The following EFCAB11 variants were observed in gnomAD, a reference collection of about 807,000 sequenced individuals.
The protein encoded by EFCAB11 is EF-hand calcium-binding domain-containing protein 11.
Under a neutral mutation model 23.0 loss-of-function variants are expected in EFCAB11, and 14 were observed. The observed-to-expected ratio is 0.61, with a 90% CI of 0.40 to 0.95. EFCAB11 has a LOEUF of 0.95. Among genes scored for constraint, EFCAB11 ranks in the 40% least tolerant of loss-of-function variants. The pLI, the probability that EFCAB11 is intolerant of heterozygous loss-of-function variation, is 0.00. For synonymous variants in EFCAB11, 65 were observed against 66.6 expected (o/e 0.98, Z 0.11); for missense variants, 198 against 195.8 (o/e 1.01, Z -0.07).
chr14:89,916,526 A>G (rs1454384596), intron 5 of EFCAB11, among the ~76,000 whole-genome samples: 1 of 152,230 alleles, frequency 6.6e-6, no homozygotes, highest in African/African-American at 2.4e-5. Context: ...AGCCTAGTAA[A>G]GAAGACCATT....
chr14:89,926,179 TATA>T (rs1472654342), intron 5 of EFCAB11, among the ~76,000 whole-genome samples: 2 of 152,208 alleles, frequency 1.3e-5, no homozygotes, highest in African/African-American at 4.8e-5. Context: ...TTAAAGATTT[TATA>T]ATATCTTTAG....
intron 5 of EFCAB11, chr14:89,799,485 C>T (rs868319136): frequency 2.6e-5 from 4 of 152,242 alleles, no homozygotes; most frequent in East Asian, 3.9e-4. Flanking sequence ...GAAGATGTAC[C>T]GTGGGTAGAA....
At chr14:89,930,514 T>G (rs1890352541) in intron 5 of EFCAB11, among the ~76,000 whole-genome samples, 1 of 146,610 alleles carries the variant, frequency 6.8e-6, no homozygotes, top group Non-Finnish European at 1.5e-5. Flanking sequence ...GGGTTGTAAG[T>G]GGAAATAATA....
intron 5 of EFCAB11, among the ~76,000 whole-genome samples, chr14:89,911,279 G>A (rs1889667619): frequency 6.6e-6 from 1 of 152,216 alleles, no homozygotes. Flanking sequence ...CTGCCAAGGA[G>A]AGTGAATTTC....
At chr14:89,928,439 A>G (rs1295428831) in intron 5 of EFCAB11, among the ~76,000 whole-genome samples, 2 of 152,068 alleles carry the variant, frequency 1.3e-5, no homozygotes, top group Non-Finnish European at 2.9e-5. Flanking sequence ...TTAAAATTCA[A>G]TTTGTTTTGA....
intron 5 of EFCAB11, among the ~76,000 whole-genome samples, chr14:89,845,983 G>A (rs534562500): frequency 1.4e-3 from 215 of 152,110 alleles, no homozygotes; most frequent in Non-Finnish European, 2.5e-3. Context: ...CAAATTGCCC[G>A]GATTTGAATA....
rs533033866 is a variant in EFCAB11 at position 89,857,835 on chromosome 14, C to T, written c.411-60511G>A. 5.3e-5 allele frequency among the ~76,000 whole-genome samples: 8 copies of T among 152,262 alleles called. No homozygotes were observed. In the South Asian group the frequency reaches 1.5e-3, roughly 28 times the overall value. On this transcript the variant is annotated intron_variant, in intron 5 of 5. Coordinates refer to ENST00000316738, the MANE Select transcript of EFCAB11 (RefSeq NM_145231.4). ...ATGATATCTTTTTATTCTAATACTT[C>T]ATGATTTTTTTACTACTGTATCTCA...
In EFCAB11 at chr14:89,900,788, CT is replaced by C. The variant is rs1889316129; in HGVS notation, c.410+30752del. 3.3e-5 allele frequency among the ~76,000 whole-genome samples: 5 copies of C among 152,194 alleles called. No homozygotes were observed. In the South Asian group the frequency reaches 1.0e-3, roughly 31 times the overall value. On this transcript the variant is annotated intron_variant, in intron 5 of 5. Transcript: ENST00000316738. The stretch of plus-strand genomic sequence containing the variant: ...GCAAATCACAGAAAGACTTCTAGAG[CT>C]TACCTTTGCCAACATGAAAGGTAAA...
intron 5 of EFCAB11, among the ~76,000 whole-genome samples, chr14:89,822,821 AT>A (rs541445634): frequency 6.6e-6 from 1 of 152,202 alleles, no homozygotes; most frequent in Non-Finnish European, 1.5e-5. Context: ...ATAGGGCTAA[AT>A]CAGTCACGGA....
At chr14:89,898,656 C>T (rs1054862583) in intron 5 of EFCAB11, among the ~76,000 whole-genome samples, 3 of 142,186 alleles carry the variant, frequency 2.1e-5, no homozygotes, top group East Asian at 2.0e-4. Flanking sequence ...TGAGCCACCG[C>T]GCCTGGCCTC....
chr14:89,847,276 AT>A (rs1281376965), intron 5 of EFCAB11, among the ~76,000 whole-genome samples: 3 of 152,116 alleles, frequency 2.0e-5, no homozygotes, highest in African/African-American at 7.2e-5. Flanking sequence ...TCACCTTCAA[AT>A]TCAGTGTTGC....
At chr14:89,939,164 T>C (rs1033564845) in intron 3 of EFCAB11, among the ~76,000 whole-genome samples, 7 of 152,138 alleles carry the variant, frequency 4.6e-5, no homozygotes, top group Non-Finnish European at 7.4e-5. Flanking sequence ...AGCTTCATCC[T>C]TCCTTCCGTG....
intron 5 of EFCAB11, among the ~76,000 whole-genome samples, chr14:89,812,551 C>T (rs1482932402): frequency 2.0e-5 from 3 of 152,166 alleles, no homozygotes; most frequent in Non-Finnish European, 4.4e-5. Context: ...ATTGTCAGAA[C>T]TAGGGGCGGA....
intron 5 of EFCAB11, among the ~76,000 whole-genome samples, chr14:89,881,244 T>C (rs1888586898): frequency 6.6e-6 from 1 of 151,422 alleles, no homozygotes; most frequent in Non-Finnish European, 1.5e-5. Context: ...CCCAACTGCC[T>C]AGCTCAATGT....
At chr14:89,922,609 T>C (rs541579659) in intron 5 of EFCAB11, among the ~76,000 whole-genome samples, 1 of 152,228 alleles carries the variant, frequency 6.6e-6, no homozygotes, top group African/African-American at 2.4e-5. Flanking sequence ...AAACAAATAA[T>C]AGTAATAAAA....
chr14:89,885,079 T>C (rs1338029618), intron 5 of EFCAB11, among the ~76,000 whole-genome samples: 1 of 152,192 alleles, frequency 6.6e-6, no homozygotes. Context: ...ACAGACGGAC[T>C]AGACTAAGAC....
At chr14:89,798,870 T>C (rs2140071361) in intron 5 of EFCAB11, among the ~76,000 whole-genome samples, 1 of 152,300 alleles carries the variant, frequency 6.6e-6, no homozygotes, top group South Asian at 2.1e-4. Flanking sequence ...CACTGCGACC[T>C]CCGCCTCTCC....
At chr14:89,924,665 A>G in intron 5 of EFCAB11, 1 of 1,535,888 alleles carries the variant, frequency 6.5e-7, no homozygotes, top group Non-Finnish European at 8.7e-7. Context: ...TAAATCATGC[A>G]CTGAAAATGC....
At chr14:89,825,460 G>C (rs1203257462) in intron 5 of EFCAB11, among the ~76,000 whole-genome samples, 1 of 151,630 alleles carries the variant, frequency 6.6e-6, no homozygotes, top group Non-Finnish European at 1.5e-5. Flanking sequence ...ATAACTATAA[G>C]AAATAACAAG....
Sources: allele counts gnomAD v4.1 joint callset (sites outside exome capture counted in the v4.1 genomes callset), GRCh38; gene constraint gnomAD v4.1.1; transcripts MANE v1.5; gene names NCBI Gene and HGNC (gene_info 2026-07-23, HGNC 2026-07-21).